PLCB1: variants seen among roughly 807,000 people sequenced by gnomAD.
The protein encoded by PLCB1 is 1-phosphatidylinositol 4,5-bisphosphate phosphodiesterase beta-1.
PLCB1 carries 46 observed loss-of-function variants against 161.8 expected under a neutral mutation model. The observed-to-expected ratio is 0.28, with a 90% CI of 0.22 to 0.36. The LOEUF (loss-of-function observed/expected upper bound fraction) is 0.36, where lower values mean the gene tolerates loss of function less well. PLCB1 is among the 10% of genes least tolerant of loss of function. The pLI is 1.00. For synonymous variants in PLCB1, 517 were observed against 503.7 expected (o/e 1.03, Z -0.35); for missense variants, 1,016 against 1,472.5 (o/e 0.69, Z 5.07).
intron 3 of PLCB1, among the ~76,000 whole-genome samples, chr20:8,454,688 C>G (rs1303841168): frequency 6.6e-6 from 1 of 152,172 alleles, no homozygotes. Flanking sequence ...CAGTGTGGCT[C>G]ACTCTCTCCC....
At chr20:8,359,781 T>C (rs1986481101) in intron 2 of PLCB1, among the ~76,000 whole-genome samples, 1 of 152,192 alleles carries the variant, frequency 6.6e-6, no homozygotes, top group South Asian at 2.1e-4. Flanking sequence ...ATGAAAACTA[T>C]TTTCGAGGAC....
intron 10 of PLCB1, among the ~76,000 whole-genome samples, chr20:8,689,426 C>T (rs1315989388): frequency 6.6e-6 from 1 of 152,032 alleles, no homozygotes; most frequent in African/African-American, 2.4e-5. Flanking sequence ...TGTTCCCGTT[C>T]TCAGGAAGAA....
chr20:8,503,184 G>C (rs58535393), intron 3 of PLCB1, among the ~76,000 whole-genome samples: 3,062 of 152,210 alleles, frequency 0.02, 128 homozygotes, highest in African/African-American at 0.07. Flanking sequence ...TAGAATACTA[G>C]GAAATGATCT....
intron 3 of PLCB1, among the ~76,000 whole-genome samples, chr20:8,449,612 A>G (rs1212046770): frequency 6.6e-6 from 1 of 152,202 alleles, no homozygotes; most frequent in Non-Finnish European, 1.5e-5. Flanking sequence ...GAAGGAGAAC[A>G]CTTCCGGGGC....
chr20:8,199,807 G>A (rs56020334), intron 2 of PLCB1, among the ~76,000 whole-genome samples: 2,759 of 152,166 alleles, frequency 0.018, 104 homozygotes, highest in African/African-American at 0.063. Flanking sequence ...AATGCAACAA[G>A]TATTTGTGAA....
At chr20:8,294,177 A>G (rs1983519102) in intron 2 of PLCB1, among the ~76,000 whole-genome samples, 1 of 152,156 alleles carries the variant, frequency 6.6e-6, no homozygotes, top group African/African-American at 2.4e-5. Context: ...ACAATGCAAG[A>G]CATTGACAAA....
chr20:8,725,183 G>A (rs1979868527), intron 16 of PLCB1, among the ~76,000 whole-genome samples: 1 of 152,084 alleles, frequency 6.6e-6, no homozygotes, highest in Non-Finnish European at 1.5e-5. Flanking sequence ...CTGATAATTA[G>A]AAATAGAACC....
At chr20:8,179,478 T>C (rs1461779508) in intron 2 of PLCB1, among the ~76,000 whole-genome samples, 1 of 152,202 alleles carries the variant, frequency 6.6e-6, no homozygotes, top group Non-Finnish European at 1.5e-5. Context: ...ATTTCATACA[T>C]TGATTTTGTA....
intron 3 of PLCB1, among the ~76,000 whole-genome samples, chr20:8,428,689 G>A (rs1257384202): frequency 6.6e-6 from 1 of 152,214 alleles, no homozygotes; most frequent in African/African-American, 2.4e-5. Flanking sequence ...TAGAGGAATT[G>A]TGGCCGATTG....
At chr20:8,426,087 C>T (rs1979757405) in intron 3 of PLCB1, among the ~76,000 whole-genome samples, 1 of 152,148 alleles carries the variant, frequency 6.6e-6, no homozygotes, top group Non-Finnish European at 1.5e-5. Flanking sequence ...ATGGGAAGCA[C>T]TGCTTCATTT....
intron 2 of PLCB1, among the ~76,000 whole-genome samples, chr20:8,317,817 G>A (rs141212133): frequency 2.0e-5 from 3 of 152,194 alleles, no homozygotes; most frequent in East Asian, 3.9e-4. Flanking sequence ...AAAAGAGTTA[G>A]TGTTGACCTT....
chr20:8,708,752 C>A lies in PLCB1; in HGVS notation c.1250C>A (p.Ser417Tyr). Residue 417 changes from serine (S) to tyrosine (Y), a missense_variant and splice_region_variant, in exon 12 of 32, where the codon TCC becomes TAC. Ser to Tyr is a moderately radical substitution (Grantham distance 144). Coordinates refer to ENST00000338037, the MANE Select transcript of PLCB1 (RefSeq NM_015192.4). ...CTTTCGTTTGAGAACCATGTGGATT[C>A]GTAAGTATTCAACACATTCAGGAAT... ...ILLSFENHVD[S>Y]PKQQAKMAEY... 6.3e-7 allele frequency: 1 copy of A among 1,593,368 alleles called. No homozygotes were observed. Among genetic ancestry groups the A allele is most frequent in the Non-Finnish European group, 8.6e-7 (1 of 1,161,362 alleles).
At chr20:8,789,646 C>G in intron 30 of PLCB1, 71 bp downstream of exon 30, 1 of 1,145,952 alleles carries the variant, frequency 8.7e-7, no homozygotes, top group South Asian at 1.2e-5. Context: ...CTGTGAGCTT[C>G]TGGAAGGAAA....
At chr20:8,820,528 G>A (rs1195735171) in intron 31 of PLCB1, among the ~76,000 whole-genome samples, 2 of 152,132 alleles carry the variant, frequency 1.3e-5, no homozygotes, top group African/African-American at 4.8e-5. Context: ...GTAAACTGCA[G>A]GTGGGAGTAA....
chr20:8,436,376 T>C (rs183467570), intron 3 of PLCB1, among the ~76,000 whole-genome samples: 125 of 152,058 alleles, frequency 8.2e-4, no homozygotes, highest in Non-Finnish European at 1.4e-3. Context: ...ATAAATTAAT[T>C]ATTTTGAGCA....
At chr20:8,791,850 A>G (rs889776632) in intron 31 of PLCB1, among the ~76,000 whole-genome samples, 2 of 152,204 alleles carry the variant, frequency 1.3e-5, no homozygotes, top group Non-Finnish European at 2.9e-5. Context: ...TCTTCCCTGG[A>G]TATAACTGGA....
intron 31 of PLCB1, among the ~76,000 whole-genome samples, chr20:8,856,398 T>G (rs1987068144): frequency 6.6e-6 from 1 of 152,072 alleles, no homozygotes; most frequent in Non-Finnish European, 1.5e-5. Context: ...GGTGAATCAC[T>G]TGAGGCCAGG....
intron 1 of PLCB1, among the ~76,000 whole-genome samples, chr20:8,148,334 A>G (rs1381235463): frequency 8.0e-6 from 1 of 125,732 alleles, no homozygotes; most frequent in African/African-American, 2.9e-5. Context: ...GTCTTTCATT[A>G]TAATATCGTT....
At chr20:8,205,726 A>G (rs1978492146) in intron 2 of PLCB1, among the ~76,000 whole-genome samples, 1 of 152,164 alleles carries the variant, frequency 6.6e-6, no homozygotes, top group Admixed American at 6.5e-5. Flanking sequence ...CTACACCGTT[A>G]GAGATACATT....
Sources: gnomAD v4.1 joint callset for allele counts (sites outside exome capture counted in the v4.1 genomes callset) on GRCh38, gnomAD v4.1.1 for gene constraint, MANE v1.5 for transcripts, NCBI Gene and HGNC (gene_info 2026-07-23, HGNC 2026-07-21) for gene names.